Variants in GPC6 observed in about 807,000 individuals in gnomAD.
GPC6 encodes the protein glypican-6.
GPC6 carries 14 observed loss-of-function variants against 55.2 expected under a neutral mutation model. The ratio of observed to expected loss-of-function variants is 0.25; its 90% confidence interval spans 0.17 to 0.40. The LOEUF is 0.40. Ranked by LOEUF, GPC6 falls within the 10% of genes least tolerant of loss-of-function variation. The pLI, the probability that GPC6 is intolerant of heterozygous loss-of-function variation, is 1.00. For synonymous variants in GPC6, 278 were observed against 259.6 expected, an observed-to-expected ratio of 1.07 and a Z score of -0.68; for missense variants, 641 against 708.5, an observed-to-expected ratio of 0.90 and a Z score of 1.08.
intron 2 of GPC6, among the ~76,000 whole-genome samples, chr13:93,772,439 A>T (rs145297491): frequency 6.6e-6 from 1 of 151,972 alleles, no homozygotes; most frequent in East Asian, 1.9e-4. Flanking sequence ...CATGCATTAC[A>T]TGGAGTTTTC....
At chr13:94,126,431 G>A (rs889045680) in intron 4 of GPC6, among the ~76,000 whole-genome samples, 1 of 152,108 alleles carries the variant, frequency 6.6e-6, no homozygotes, top group African/African-American at 2.4e-5. Context: ...CATGCCTGAG[G>A]CCGATTTCAA....
intron 1 of GPC6, among the ~76,000 whole-genome samples, chr13:93,506,886 A>AT (rs397933040): frequency 1.1e-5 from 1 of 88,250 alleles, no homozygotes; most frequent in African/African-American, 4.4e-5. Flanking sequence ...TAAAAAAAAA[A>AT]GAAAATACAA....
At chr13:93,436,844 T>G (rs1397046440) in intron 1 of GPC6, among the ~76,000 whole-genome samples, 4 of 152,090 alleles carry the variant, frequency 2.6e-5, no homozygotes, top group Admixed American at 2.6e-4. Context: ...GCATACCTCA[T>G]TTTATTGTGT....
At chr13:93,334,827 T>A (rs1879989727) in intron 1 of GPC6, among the ~76,000 whole-genome samples, 1 of 152,250 alleles carries the variant, frequency 6.6e-6, no homozygotes, top group Admixed American at 6.5e-5. Flanking sequence ...TATTTTAAAA[T>A]GTCTTTTAAT....
At chr13:93,598,410 G>A (rs888866999) in intron 2 of GPC6, among the ~76,000 whole-genome samples, 1 of 152,118 alleles carries the variant, frequency 6.6e-6, no homozygotes, top group Admixed American at 6.5e-5. Flanking sequence ...TAAGAGATGG[G>A]ACTCAGGTGA....
intron 4 of GPC6, among the ~76,000 whole-genome samples, chr13:94,196,245 GA>G (rs1396161551): frequency 2.0e-5 from 3 of 151,194 alleles, no homozygotes; most frequent in Non-Finnish European, 2.9e-5. Flanking sequence ...TAAGAGGGAG[GA>G]TTTTTTTTAA....
chr13:93,694,405 G>T, intron 2 of GPC6, among the ~76,000 whole-genome samples: 1 of 152,118 alleles, frequency 6.6e-6, no homozygotes, highest in East Asian at 1.9e-4. Flanking sequence ...TTCCCGTATA[G>T]CTTATTGTAT....
intron 1 of GPC6, among the ~76,000 whole-genome samples, chr13:93,353,464 C>T (rs1331960081): frequency 6.6e-6 from 1 of 152,174 alleles, no homozygotes; most frequent in East Asian, 1.9e-4. Context: ...CATCAAAGAA[C>T]TCATGAACTT....
chr13:93,640,375 C>T (rs1194147939), intron 2 of GPC6, among the ~76,000 whole-genome samples: 1 of 152,070 alleles, frequency 6.6e-6, no homozygotes, highest in Non-Finnish European at 1.5e-5. Context: ...CATCACAAAT[C>T]TCAGAGGCAG....
chr13:93,339,471 A>G (rs894859706), intron 1 of GPC6, among the ~76,000 whole-genome samples: 8 of 151,854 alleles, frequency 5.3e-5, no homozygotes, highest in African/African-American at 1.9e-4. Context: ...TCAGGTCAGC[A>G]CTGACTTTAT....
At chr13:93,341,519 T>A (rs1247777111) in intron 1 of GPC6, among the ~76,000 whole-genome samples, 2 of 152,228 alleles carry the variant, frequency 1.3e-5, no homozygotes, top group African/African-American at 4.8e-5. Flanking sequence ...CATTTTTTCC[T>A]AAGTTTGATG....
intron 3 of GPC6, among the ~76,000 whole-genome samples, chr13:93,907,493 A>C (rs1876734407): frequency 6.6e-6 from 1 of 152,148 alleles, no homozygotes; most frequent in East Asian, 1.9e-4. Flanking sequence ...TTATTTTTAA[A>C]GTACAGTTTT....
chr13:94,242,453 A>T (rs1891083465), intron 4 of GPC6, among the ~76,000 whole-genome samples: 1 of 152,084 alleles, frequency 6.6e-6, no homozygotes, highest in African/African-American at 2.4e-5. Context: ...ACGTATGTTT[A>T]TTGTGGCACT....
intron 4 of GPC6, among the ~76,000 whole-genome samples, chr13:94,085,891 C>G (rs1445099957): frequency 6.6e-6 from 1 of 152,014 alleles, no homozygotes; most frequent in Non-Finnish European, 1.5e-5. Flanking sequence ...CATTAGTTAC[C>G]CATCTGTTTG....
intron 2 of GPC6, among the ~76,000 whole-genome samples, chr13:93,700,615 C>T (rs561234062): frequency 2.6e-5 from 4 of 152,154 alleles, no homozygotes; most frequent in Admixed American, 1.3e-4. Context: ...GGTAGTGATA[C>T]ATTTTATAGT....
At chr13:93,444,196 T>TTCTTTTTC (rs1555300845) in intron 1 of GPC6, among the ~76,000 whole-genome samples, 1 of 12,582 alleles carries the variant, frequency 7.9e-5, no homozygotes, top group Non-Finnish European at 9.3e-4. Context: ...GCAATTCTTC[T>TTCTTTTTC]TTTTTTTTTT....
At chr13:93,839,484 C>A (rs1387586310) in intron 3 of GPC6, among the ~76,000 whole-genome samples, 1 of 152,078 alleles carries the variant, frequency 6.6e-6, no homozygotes, top group African/African-American at 2.4e-5. Context: ...GTTTTTAATT[C>A]TGTTTATGTG....
intron 1 of GPC6, among the ~76,000 whole-genome samples, chr13:93,446,226 A>G (rs1182429438): frequency 1.3e-5 from 2 of 152,136 alleles, no homozygotes; most frequent in Non-Finnish European, 2.9e-5. Context: ...ATTCCATCCT[A>G]GCTCCTGCAA....
intron 3 of GPC6, among the ~76,000 whole-genome samples, chr13:93,880,139 T>C (rs1313243424): frequency 6.6e-6 from 1 of 151,744 alleles, no homozygotes; most frequent in Non-Finnish European, 1.5e-5. Context: ...AGTTCAACCA[T>C]TGTGGAAGTC....
Sources: gnomAD v4.1 joint callset for allele counts (sites outside exome capture counted in the v4.1 genomes callset) on GRCh38, gnomAD v4.1.1 for gene constraint, MANE v1.5 for transcripts, NCBI Gene and HGNC (gene_info 2026-07-23, HGNC 2026-07-21) for gene names.